ADAMTS2: variants seen among roughly 807,000 people sequenced by gnomAD.
The protein encoded by ADAMTS2 is A disintegrin and metalloproteinase with thrombospondin motifs 2.
In ADAMTS2, 50 loss-of-function variants were observed where a neutral mutation model predicts 123.0. That is an observed-to-expected ratio of 0.41 (90% confidence interval 0.32 to 0.51). ADAMTS2 has a LOEUF of 0.51. ADAMTS2 is among the 20% of genes least tolerant of loss of function. The pLI is 0.35. For synonymous variants in ADAMTS2, 678 were observed against 695.4 expected (o/e 0.98, Z 0.39); for missense variants, 1,494 against 1,705.2 (o/e 0.88, Z 2.18).
intron 3 of ADAMTS2, among the ~76,000 whole-genome samples, chr5:179,222,565 G>A (rs776204763): frequency 1.2e-4 from 19 of 152,226 alleles, no homozygotes; most frequent in Non-Finnish European, 1.8e-4. Flanking sequence ...ACCAGCAGCT[G>A]GCCGGGCAGA....
rs564241455 is a variant in ADAMTS2, at chr5:179,194,030, T to G, written c.892-12875A>C. ...GACAAGCTCCGAGGCTGCCTCAAGC[T>G]GTCATCCGGGTGTGTGGATGGCTGG... On this transcript the variant is annotated intron_variant, in intron 4 of 21. Coordinates refer to ENST00000251582, the MANE Select transcript of ADAMTS2 (RefSeq NM_014244.5). 9.2e-5 allele frequency among the ~76,000 whole-genome samples: 14 copies of G among 152,340 alleles called. No individual in the cohort carries two copies. The South Asian group carries it at 2.7e-3, about 29-fold the overall frequency.
intron 11 of ADAMTS2, among the ~76,000 whole-genome samples, chr5:179,138,739 G>A (rs1332332799): frequency 2.6e-5 from 4 of 152,208 alleles, no homozygotes; most frequent in Non-Finnish European, 5.9e-5. Context: ...ACGTGCTGCT[G>A]AGGGAGGCTG....
chr5:179,292,611 A>G (rs1279024281), intron 2 of ADAMTS2, among the ~76,000 whole-genome samples: 1 of 149,728 alleles, frequency 6.7e-6, no homozygotes, highest in Non-Finnish European at 1.5e-5. Flanking sequence ...ATATATGCCC[A>G]GGGCCCCATG....
intron 3 of ADAMTS2, among the ~76,000 whole-genome samples, chr5:179,224,869 CCT>C: frequency 6.7e-6 from 1 of 150,340 alleles, no homozygotes; most frequent in Admixed American, 6.6e-5. Context: ...CTGTCTGCCA[CCT>C]CGGCTCCACG....
chr5:179,119,584 G>A (rs113895502), intron 21 of ADAMTS2, among the ~76,000 whole-genome samples: 2 of 152,184 alleles, frequency 1.3e-5, no homozygotes, highest in Admixed American at 6.5e-5. Context: ...TGGAAGACAT[G>A]GGCAGGCCAG....
At chr5:179,244,370 CA>C (rs1434782559) in intron 3 of ADAMTS2, among the ~76,000 whole-genome samples, 3 of 152,166 alleles carry the variant, frequency 2.0e-5, no homozygotes, top group Non-Finnish European at 2.9e-5. Context: ...ATGGCATATC[CA>C]ATGTAAAAAA....
chr5:179,319,237 T>G (rs538169907), intron 2 of ADAMTS2, among the ~76,000 whole-genome samples: 1 of 152,286 alleles, frequency 6.6e-6, no homozygotes, highest in South Asian at 2.1e-4. Context: ...CTGTGACACA[T>G]GCATCACATA....
At chr5:179,321,193 G>C (rs544842954) in intron 2 of ADAMTS2, among the ~76,000 whole-genome samples, 2 of 151,708 alleles carry the variant, frequency 1.3e-5, no homozygotes, top group South Asian at 4.2e-4. Flanking sequence ...CCTCATCCTC[G>C]GTCCCTGAGC....
At chr5:179,339,508 G>C (rs1434506097) in intron 2 of ADAMTS2, among the ~76,000 whole-genome samples, 1 of 152,200 alleles carries the variant, frequency 6.6e-6, no homozygotes, top group African/African-American at 2.4e-5. Context: ...CATCCAATAT[G>C]AGCAGGGGTT....
intron 2 of ADAMTS2, among the ~76,000 whole-genome samples, chr5:179,279,772 G>C (rs949719600): frequency 6.6e-6 from 1 of 152,218 alleles, no homozygotes; most frequent in African/African-American, 2.4e-5. Flanking sequence ...GGGAAGTATC[G>C]AGTGGGATTT....
At position 179,180,210 on chromosome 5, in the gene ADAMTS2, C is replaced by T. The variant is rs1410626159; in HGVS notation, c.975+862G>A. Among the ~76,000 whole-genome samples the T allele has an allele frequency of 1.3e-5, 2 of 152,218 alleles. No homozygotes were observed. Among genetic ancestry groups the T allele is most frequent in the Non-Finnish European group, 2.9e-5 (2 of 68,032 alleles). ...GGCCGTACCGTGGGGCTCCTCTCTT[C>T]CTCTGTCTGCACAGCATCCCGTGTT... On this transcript the variant is annotated intron_variant, in intron 5 of 21. Coordinates refer to ENST00000251582, the MANE Select transcript of ADAMTS2 (RefSeq NM_014244.5). The surrounding 1 kb of genome is among the most constrained non-coding windows in gnomAD (Gnocchi z 4.6).
At chr5:179,140,153 G>T in intron 10 of ADAMTS2, 118 bp from the exon 11 acceptor site, 1 of 1,477,536 alleles carries the variant, frequency 6.8e-7, no homozygotes, top group Non-Finnish European at 9.4e-7. Flanking sequence ...GGGCACAGGG[G>T]GAGCTCACCC....
rs563375292 is a variant in ADAMTS2 at position 179,206,699 on chromosome 5, C to T, written c.891+814G>A. On this transcript the variant is annotated intron_variant, in intron 4 of 21. Coordinates refer to ENST00000251582, the MANE Select transcript of ADAMTS2 (RefSeq NM_014244.5). ...GGGAGCCTGCATTTTGAAGACTGGA[C>T]GCCCCTCATCCCCACAGTGGCTCTG... Among the ~76,000 whole-genome samples, 60 of 152,292 alleles carry T rather than the reference C, an allele frequency of 3.9e-4. 2 individuals carry two copies. In the South Asian group the frequency reaches 8.9e-3, roughly 23 times the overall value.
chr5:179,209,959 G>A (rs1285309354), intron 3 of ADAMTS2, among the ~76,000 whole-genome samples: 1 of 152,214 alleles, frequency 6.6e-6, no homozygotes, highest in Non-Finnish European at 1.5e-5. Context: ...GGTCACACAC[G>A]GGCGGTGCCC....
chr5:179,291,324 C>T (rs1455746029), intron 2 of ADAMTS2, among the ~76,000 whole-genome samples: 1 of 152,234 alleles, frequency 6.6e-6, no homozygotes, highest in Non-Finnish European at 1.5e-5. Context: ...CACTCTGTGC[C>T]TCTGTCACTG....
Position 179,228,042 on chromosome 5 carries a change from G to A in ADAMTS2, c.689-20327C>T, listed in dbSNP as rs1006697991. On this transcript the variant is annotated intron_variant, in intron 3 of 21. Transcript: ENST00000251582. This position sits in a 1 kb window ranked among gnomAD's most constrained non-coding sequence, Gnocchi z 5.2. ...CTGCAAGGGACCCTCGGGAGGAGCCGCGTGGGAGGAGGAGAAGGCCGTGTG... is the reference window on the plus strand; with the variant it reads ...CTGCAAGGGACCCTCGGGAGGAGCCACGTGGGAGGAGGAGAAGGCCGTGTG... Among the ~76,000 whole-genome samples, 3 of 152,130 alleles carry A rather than the reference G, an allele frequency of 2.0e-5. No homozygotes were observed. The highest frequency in any genetic ancestry group is 4.4e-5 in the Non-Finnish European group (3 of 68,010).
chr5:179,205,827 A>G (rs1288528301), intron 4 of ADAMTS2, among the ~76,000 whole-genome samples: 4 of 151,592 alleles, frequency 2.6e-5, no homozygotes, highest in Non-Finnish European at 4.4e-5. Flanking sequence ...GCTAGAGTGC[A>G]GTGGTGCGAT....
Position 179,114,645 on chromosome 5 carries a change from G to C in ADAMTS2, c.3179-321C>G, listed in dbSNP as rs371735898. On this transcript the variant is annotated intron_variant, in intron 21 of 21. Coordinates refer to ENST00000251582, the MANE Select transcript of ADAMTS2 (RefSeq NM_014244.5). The stretch of plus-strand genomic sequence containing the variant: ...AATGAGGCCCGTTTGTTCTTACAGA[G>C]TGATTCCAAACTCATCTTAAAGAAT... Among the ~76,000 whole-genome samples the C allele has an allele frequency of 3.3e-5, 5 of 152,310 alleles. No individual in the cohort carries two copies. In the East Asian group the frequency reaches 7.7e-4, roughly 23 times the overall value.
At chr5:179,255,739 C>A (rs1032031927) in intron 3 of ADAMTS2, among the ~76,000 whole-genome samples, 4 of 152,176 alleles carry the variant, frequency 2.6e-5, no homozygotes, top group African/African-American at 9.7e-5. Context: ...TGTGGAAAAC[C>A]AATGTGCCCC....
Sources: allele counts gnomAD v4.1 joint callset (sites outside exome capture counted in the v4.1 genomes callset), GRCh38; gene constraint gnomAD v4.1.1; non-coding constraint Gnocchi (gnomAD v3.1); transcripts MANE v1.5; gene names NCBI Gene and HGNC (gene_info 2026-07-23, HGNC 2026-07-21).